Variants in PLCB4 observed in about 807,000 individuals in gnomAD.
PLCB4 encodes the protein phospholipase C beta 4.
A neutral mutation model predicts 178.8 loss-of-function variants in PLCB4; 77 were observed. The ratio of observed to expected loss-of-function variants is 0.43; its 90% CI spans 0.36 to 0.52. The LOEUF is 0.52. PLCB4 is among the 20% of genes least tolerant of loss of function. The pLI is 0.00. For synonymous variants in PLCB4, 496 were observed against 490.8 expected (o/e 1.01, Z -0.14); for missense variants, 1,024 against 1,453.4 (o/e 0.70, Z 4.80).
intron 28 of PLCB4, 22 bp downstream of exon 28, chr20:9,423,974 G>A (rs773211748): frequency 2.2e-5 from 31 of 1,432,136 alleles, no homozygotes; most frequent in Admixed American, 6.7e-5. Flanking sequence ...ATTTGGGTAC[G>A]GAATATGATA....
intron 2 of PLCB4, among the ~76,000 whole-genome samples, chr20:9,133,341 C>T (rs2092315281): frequency 6.6e-6 from 1 of 152,142 alleles, no homozygotes; most frequent in South Asian, 2.1e-4. Flanking sequence ...GATCTTGGCT[C>T]ACTGCAGCCC....
intron 3 of PLCB4, among the ~76,000 whole-genome samples, chr20:9,247,670 C>T (rs756954745): frequency 3.3e-5 from 5 of 152,036 alleles, no homozygotes; most frequent in Non-Finnish European, 7.4e-5. Context: ...TGAGTTTGTT[C>T]CCACTTCCAA....
chr20:9,467,430 A>T (rs1603047222), intron 35 of PLCB4, among the ~76,000 whole-genome samples: 1 of 152,080 alleles, frequency 6.6e-6, no homozygotes, highest in Admixed American at 6.6e-5. Flanking sequence ...AGTATAATAA[A>T]AAATAAATAA....
At chr20:9,247,367 G>A (rs2094136408) in intron 3 of PLCB4, among the ~76,000 whole-genome samples, 1 of 152,158 alleles carries the variant, frequency 6.6e-6, no homozygotes, top group South Asian at 2.1e-4. Flanking sequence ...ATTTTGAGTA[G>A]TTTATGAAGT....
intron 2 of PLCB4, among the ~76,000 whole-genome samples, chr20:9,145,471 A>G (rs1047843466): frequency 1.3e-5 from 2 of 151,358 alleles, no homozygotes; most frequent in African/African-American, 2.4e-5. Context: ...AAAATTCATA[A>G]TGATCACTCT....
At chr20:9,185,001 C>T (rs2147108634) in intron 2 of PLCB4, among the ~76,000 whole-genome samples, 1 of 152,348 alleles carries the variant, frequency 6.6e-6, no homozygotes, top group South Asian at 2.1e-4. Flanking sequence ...TAGCCCACTG[C>T]AGCCTTGACC....
At chr20:9,122,761 T>G (rs1027221978) in intron 2 of PLCB4, among the ~76,000 whole-genome samples, 2 of 152,204 alleles carry the variant, frequency 1.3e-5, no homozygotes, top group African/African-American at 4.8e-5. Context: ...ATTAGCTCTA[T>G]ACTTCACTCT....
chr20:9,385,273 C>T lies in PLCB4; in HGVS notation c.1064+862C>T, dbSNP rs186369941. Among the ~76,000 whole-genome samples, 435 of 152,108 alleles carry T rather than the reference C, an allele frequency of 2.9e-3. 4 individuals are homozygous for T. Among genetic ancestry groups the T allele is most frequent in the African/African-American group, 8.9e-3 (368 of 41,530 alleles). On this transcript the variant is annotated intron_variant, in intron 14 of 39. Transcript: ENST00000378473. ...TCCCCACATTTCCCCCTTTTCTTTT[C>T]GACAAAACCGCCATCGTCATCATGG...
chr20:9,459,365 A>AACAG (rs1415211772), intron 34 of PLCB4, among the ~76,000 whole-genome samples: 13 of 152,038 alleles, frequency 8.6e-5, no homozygotes, highest in Admixed American at 8.5e-4. Flanking sequence ...CAAACAAACA[A>AACAG]AAAACAAAAC....
intron 7 of PLCB4, among the ~76,000 whole-genome samples, chr20:9,347,375 A>T (rs1249566294): frequency 6.6e-6 from 1 of 152,216 alleles, no homozygotes; most frequent in African/African-American, 2.4e-5. Flanking sequence ...AACATTGTGC[A>T]AAATGACAAA....
chr20:9,245,014 T>C (rs2094109962), intron 3 of PLCB4, among the ~76,000 whole-genome samples: 1 of 152,122 alleles, frequency 6.6e-6, no homozygotes, highest in South Asian at 2.1e-4. Context: ...AGAGCAGCCT[T>C]CTCCTTCACA....
intron 2 of PLCB4, among the ~76,000 whole-genome samples, chr20:9,136,042 AC>A (rs1308268938): frequency 2.6e-5 from 4 of 152,162 alleles, no homozygotes; most frequent in African/African-American, 9.7e-5. Context: ...AGAAGTCAAA[AC>A]TTTTTGACCC....
chr20:9,359,539 A>G (rs1187756350), intron 7 of PLCB4, among the ~76,000 whole-genome samples: 2 of 152,192 alleles, frequency 1.3e-5, no homozygotes, highest in African/African-American at 4.8e-5. Flanking sequence ...GGAAACAGGG[A>G]AACCGTGCTG....
intron 2 of PLCB4, among the ~76,000 whole-genome samples, chr20:9,158,064 GAGGGAACCAAGGCACA>G (rs1171293500): frequency 6.6e-6 from 1 of 152,144 alleles, no homozygotes; most frequent in Non-Finnish European, 1.5e-5. Context: ...TTTTACAGAT[GAGGGAACCAAGGCACA>G]AGGATTCTAA....
chr20:9,108,768 A>C (rs1203325616), intron 2 of PLCB4, among the ~76,000 whole-genome samples: 1 of 152,038 alleles, frequency 6.6e-6, no homozygotes, highest in African/African-American at 2.4e-5. Flanking sequence ...AGTTTAATTT[A>C]AATATAAGCT....
In PLCB4 at chr20:9,314,096, A is replaced by T. The variant is rs137978654; in HGVS notation, c.84+6198A>T. On this transcript the variant is annotated intron_variant, in intron 4 of 39. Coordinates refer to ENST00000378473, the MANE Select transcript of PLCB4 (RefSeq NM_001377142.1). Reference sequence around the variant, plus strand: ...ATGAGTATGACAGCACATTCTATTGAGGGGGTAAGGGGATTATTCAGCTAG... The same window carrying T: ...ATGAGTATGACAGCACATTCTATTGTGGGGGTAAGGGGATTATTCAGCTAG... Among the ~76,000 whole-genome samples the T allele has an allele frequency of 7.4e-3, 1,123 of 152,222 alleles. 6 individuals are homozygous for T. The highest frequency in any genetic ancestry group is 0.034 in the Middle Eastern group (10 of 294).
At chr20:9,477,786 AG>A (rs1239734015) in intron 39 of PLCB4, among the ~76,000 whole-genome samples, 2 of 152,202 alleles carry the variant, frequency 1.3e-5, no homozygotes, top group African/African-American at 4.8e-5. Flanking sequence ...AGTAAGAAGA[AG>A]AAGGAAATCA....
intron 2 of PLCB4, among the ~76,000 whole-genome samples, chr20:9,138,821 T>C (rs2092433166): frequency 6.6e-6 from 1 of 152,138 alleles, no homozygotes. Context: ...GGCTAATTGA[T>C]GAAGACTGTC....
intron 35 of PLCB4, among the ~76,000 whole-genome samples, chr20:9,467,859 GA>G (rs1280487319): frequency 3.9e-5 from 6 of 152,102 alleles, no homozygotes; most frequent in Non-Finnish European, 5.9e-5. Flanking sequence ...ATAGGTTATA[GA>G]AAAAAATTTT....
Sources: allele counts gnomAD v4.1 joint callset (sites outside exome capture counted in the v4.1 genomes callset), GRCh38; gene constraint gnomAD v4.1.1; transcripts MANE v1.5; gene names NCBI Gene and HGNC (gene_info 2026-07-23, HGNC 2026-07-21).